Variants in FRMD3 observed in about 807,000 individuals in gnomAD.
The protein encoded by FRMD3 is FERM domain containing 3, also known as FERM domain-containing protein 3.
A neutral mutation model predicts 70.2 loss-of-function variants in FRMD3; 33 were observed. The observed-to-expected ratio is 0.47, with a 90% CI of 0.36 to 0.63. The LOEUF (loss-of-function observed/expected upper bound fraction) is 0.63. Ranked by LOEUF, FRMD3 falls within the 20% of genes least tolerant of loss-of-function variation. The pLI, the probability that FRMD3 is intolerant of heterozygous loss-of-function variation, is 0.00. For synonymous variants in FRMD3, 279 were observed against 255.9 expected, an observed-to-expected ratio of 1.09 and a Z score of -0.86; for missense variants, 632 against 711.4, an observed-to-expected ratio of 0.89 and a Z score of 1.27.
At chr9:83,277,561 G>A (rs924078357) in intron 13 of FRMD3, among the ~76,000 whole-genome samples, 5 of 152,042 alleles carry the variant, frequency 3.3e-5, no homozygotes, top group African/African-American at 7.2e-5. Context: ...GAGTTTTGCC[G>A]TGTTGCCCAG....
chr9:83,377,915 A>G (rs1825199901), intron 2 of FRMD3, among the ~76,000 whole-genome samples: 3 of 152,202 alleles, frequency 2.0e-5, no homozygotes, highest in Admixed American at 2.0e-4. Context: ...AGTAGATTTC[A>G]TGTAAATTAG....
chr9:83,289,869 C>G (rs1234048480), intron 13 of FRMD3, among the ~76,000 whole-genome samples: 4 of 152,170 alleles, frequency 2.6e-5, no homozygotes, highest in Non-Finnish European at 5.9e-5. Flanking sequence ...TTGCAGCAAG[C>G]ATTGTGGTGA....
chr9:83,316,718 C>T (rs2131072779), intron 6 of FRMD3, among the ~76,000 whole-genome samples: 1 of 152,272 alleles, frequency 6.6e-6, no homozygotes, highest in Admixed American at 6.5e-5. Flanking sequence ...CTTTTCAAGA[C>T]ACAGTCATTA....
At chr9:83,351,553 T>C (rs769114218) in intron 3 of FRMD3, among the ~76,000 whole-genome samples, 1 of 152,206 alleles carries the variant, frequency 6.6e-6, no homozygotes, top group Non-Finnish European at 1.5e-5. Flanking sequence ...TCATCTTTAA[T>C]GATATCTAGA....
At chr9:83,560,234 A>C in the FRMD3 span, among the ~76,000 whole-genome samples, 73 of 152,256 alleles carry the variant, frequency 4.8e-4, no homozygotes, top group African/African-American at 1.7e-3. Context: ...TGCCCTGTTG[A>C]TGTTGGACTT....
intron 5 of FRMD3, among the ~76,000 whole-genome samples, chr9:83,342,701 TAGATAGATA>T (rs922592943): frequency 7.7e-5 from 10 of 129,726 alleles, no homozygotes; most frequent in African/African-American, 3.0e-4. Context: ...ATTAGATAGA[TAGATAGATA>T]GATAGATAGA....
intron 6 of FRMD3, among the ~76,000 whole-genome samples, chr9:83,329,513 T>G (rs76698086): frequency 0.013 from 2,031 of 152,360 alleles, 58 homozygotes; most frequent in African/African-American, 0.046. Flanking sequence ...ATATTTTTCA[T>G]GTCAGGGTAT....
intron 1 of FRMD3, among the ~76,000 whole-genome samples, chr9:83,508,227 C>T (rs11140133): frequency 6.6e-6 from 1 of 152,280 alleles, no homozygotes; most frequent in South Asian, 2.1e-4. Context: ...AAGCACTAAC[C>T]TATGATGTCA....
At chr9:83,294,263 C>T (rs1834567486) in intron 12 of FRMD3, among the ~76,000 whole-genome samples, 1 of 152,176 alleles carries the variant, frequency 6.6e-6, no homozygotes, top group Admixed American at 6.5e-5. Context: ...GCCAGATGCT[C>T]AATCTGCTGG....
At chr9:83,425,373 C>G (rs932262813) in intron 1 of FRMD3, among the ~76,000 whole-genome samples, 1 of 152,080 alleles carries the variant, frequency 6.6e-6, no homozygotes, top group African/African-American at 2.4e-5. Context: ...AGCAACCTGG[C>G]TGAAAAGTGA....
In FRMD3 at chr9:83,508,813, C is replaced by G. The variant is rs1829265437; in HGVS notation, c.147+29272G>C. 2.0e-5 allele frequency among the ~76,000 whole-genome samples: 3 copies of G among 152,310 alleles called. No homozygotes were observed. In the South Asian group the frequency reaches 6.2e-4, roughly 32 times the overall value. ...TACAGGCATACGGCCACACTTGTTC[C>G]TTTGTGCACTGTCTACAGCTGCTTT... On this transcript the variant is annotated intron_variant, in intron 1 of 13. Coordinates refer to ENST00000304195, the MANE Select transcript of FRMD3 (RefSeq NM_174938.6).
intron 1 of FRMD3, among the ~76,000 whole-genome samples, chr9:83,479,860 G>C (rs1828526485): frequency 4.0e-5 from 6 of 151,788 alleles, no homozygotes. Flanking sequence ...GCAATCAGTA[G>C]TGAATAGGAA....
chr9:83,254,275 AT>A lies in FRMD3; in HGVS notation c.1196-5760del, dbSNP rs528631567. On this transcript the variant is annotated intron_variant, in intron 13 of 13. Transcript: ENST00000304195. ...AACTTAAAGTATGATAATAAAAAAAATAATAAAAGAAACTTTCAAAAACAAC... is the reference window on the plus strand; with the variant it reads ...AACTTAAAGTATGATAATAAAAAAAAAATAAAAGAAACTTTCAAAAACAAC... 1.4e-3 allele frequency among the ~76,000 whole-genome samples: 215 copies of A among 152,250 alleles called. 2 individuals are homozygous for A. Among genetic ancestry groups the A allele is most frequent in the African/African-American group, 5.1e-3 (211 of 41,562 alleles).
chr9:83,356,861 C>T lies in FRMD3; in HGVS notation c.296-7104G>A, dbSNP rs982838294. Among the ~76,000 whole-genome samples, 49 of 151,592 alleles carry T rather than the reference C, an allele frequency of 3.2e-4. 1 individual carries two copies. Among genetic ancestry groups the T allele is most frequent in the Non-Finnish European group, 2.9e-5 (2 of 67,928 alleles). On this transcript the variant is annotated intron_variant, in intron 3 of 13. Transcript: ENST00000304195. The stretch of plus-strand genomic sequence containing the variant: ...CATCACCCAAGTGGTATATACTGTA[C>T]CCAATGTGTAGTCTGTTATCCCTCA...
chr9:83,257,043 A>G lies in FRMD3; in HGVS notation c.1196-8527T>C, dbSNP rs551540600. 2.0e-5 allele frequency among the ~76,000 whole-genome samples: 3 copies of G among 152,316 alleles called. No homozygotes were observed. The East Asian group carries it at 5.8e-4, about 29-fold the overall frequency. Reference sequence around the variant, plus strand: ...TGGGTTTATACCCAAAGGAATATAAATCATTCTATTATAAAGATACATGCA... The same window carrying G: ...TGGGTTTATACCCAAAGGAATATAAGTCATTCTATTATAAAGATACATGCA... On this transcript the variant is annotated intron_variant, in intron 13 of 13. Coordinates refer to ENST00000304195, the MANE Select transcript of FRMD3 (RefSeq NM_174938.6).
chr9:83,346,442 CA>C (rs758554666), intron 4 of FRMD3, among the ~76,000 whole-genome samples: 5 of 152,036 alleles, frequency 3.3e-5, no homozygotes, highest in Non-Finnish European at 7.4e-5. Context: ...ACGCCAGACC[CA>C]AAAGGCTACA....
chr9:83,299,808 G>A (rs1834830788), intron 10 of FRMD3, among the ~76,000 whole-genome samples: 1 of 152,196 alleles, frequency 6.6e-6, no homozygotes. Context: ...GGCAGAAGCT[G>A]CCCAGACAAG....
chr9:83,480,993 C>T (rs1828555827), intron 1 of FRMD3, among the ~76,000 whole-genome samples: 2 of 152,094 alleles, frequency 1.3e-5, no homozygotes, highest in South Asian at 4.1e-4. Flanking sequence ...ATTTTGTAAA[C>T]TGAAAAACAA....
intron 1 of FRMD3, among the ~76,000 whole-genome samples, chr9:83,525,803 G>A (rs1829672618): frequency 6.6e-6 from 1 of 152,174 alleles, no homozygotes; most frequent in African/African-American, 2.4e-5. Flanking sequence ...GTTCAGGTGA[G>A]AGTTGCCTAA....
Sources: gnomAD v4.1 joint callset for allele counts (sites outside exome capture counted in the v4.1 genomes callset) on GRCh38, gnomAD v4.1.1 for gene constraint, MANE v1.5 for transcripts, NCBI Gene and HGNC (gene_info 2026-07-23, HGNC 2026-07-21) for gene names.